The following GLIS3 variants were observed in gnomAD, a reference collection of about 807,000 sequenced individuals.
GLIS3 encodes the protein zinc finger protein GLIS3.
GLIS3 carries 53 observed loss-of-function variants against 78.6 expected under a neutral mutation model. That is an observed-to-expected ratio of 0.67 (90% CI 0.54 to 0.85). GLIS3 has a LOEUF of 0.85. GLIS3 is among the 40% of genes least tolerant of loss of function. GLIS3 has a pLI of 0.00. For synonymous variants in GLIS3, 684 were observed against 509.9 expected, an observed-to-expected ratio of 1.34 and a Z score of -4.60; for missense variants, 1,703 against 1,231.1, an observed-to-expected ratio of 1.38 and a Z score of -5.74.
At chr9:4,357,487 A>C in the GLIS3 span, among the ~76,000 whole-genome samples, 2 of 149,252 alleles carry the variant, frequency 1.3e-5, no homozygotes, top group East Asian at 2.0e-4. Flanking sequence ...TATCCCATAA[A>C]CTCTCCTGGG....
Position 4,120,382 on chromosome 9 carries a change from C to T in GLIS3, c.597-1501G>A, listed in dbSNP as rs577122651. 3.9e-5 allele frequency among the ~76,000 whole-genome samples: 6 copies of T among 152,324 alleles called. No individual in the cohort carries two copies. In the South Asian group the frequency reaches 1.2e-3, roughly 32 times the overall value. On this transcript the variant is annotated intron_variant, in intron 3 of 10. Transcript: ENST00000381971. The stretch of plus-strand genomic sequence containing the variant: ...ACAGCAGGAATTTACATCCAGTTGC[C>T]CTTGACATAGATTTTCCTCTTGGTC...
chr9:4,030,255 C>T (rs1823717223), intron 4 of GLIS3, among the ~76,000 whole-genome samples: 1 of 152,130 alleles, frequency 6.6e-6, no homozygotes, highest in African/African-American at 2.4e-5. Flanking sequence ...CTTTTGAGAA[C>T]TGTCTATTCA....
the GLIS3 span, among the ~76,000 whole-genome samples, chr9:4,356,553 G>A: frequency 3.3e-5 from 5 of 152,198 alleles, no homozygotes; most frequent in African/African-American, 1.2e-4. Flanking sequence ...CAAGTTTCAT[G>A]ATAAAATGCT....
chr9:3,901,381 T>G (rs1372620115), intron 6 of GLIS3: 2 of 152,370 alleles, frequency 1.3e-5, no homozygotes, highest in South Asian at 2.1e-4. Flanking sequence ...TTCCAAACTT[T>G]CCATGCAATG....
At chr9:4,482,513 G>A in the GLIS3 span, among the ~76,000 whole-genome samples, 152 of 152,306 alleles carry the variant, frequency 1.0e-3, no homozygotes, top group Non-Finnish European at 1.7e-3. Context: ...CAGCTGAGAT[G>A]CTGAAGGAGA....
At chr9:4,483,210 A>C in the GLIS3 span, among the ~76,000 whole-genome samples, 1 of 81,804 alleles carries the variant, frequency 1.2e-5, no homozygotes, top group African/African-American at 9.6e-5. Flanking sequence ...TTAGGCAGAG[A>C]AATGCCGTAA....
At position 4,297,963 on chromosome 9, in the gene GLIS3, G is replaced by T. The variant is rs945608014; in HGVS notation, c.-99+1458C>A. 3.3e-5 allele frequency among the ~76,000 whole-genome samples: 5 copies of T among 152,226 alleles called. No individual in the cohort carries two copies. The East Asian group carries it at 9.7e-4, about 29-fold the overall frequency. On this transcript the variant is annotated intron_variant, in intron 1 of 10. Coordinates refer to ENST00000381971, the MANE Select transcript of GLIS3 (RefSeq NM_001042413.2). ...TAGGGGCGGGTCCGGAGGCGGAGGCGACAGCGCCCGGCGGGGTACGCGCGG... is the reference window on the plus strand; with the variant it reads ...TAGGGGCGGGTCCGGAGGCGGAGGCTACAGCGCCCGGCGGGGTACGCGCGG...
intron 2 of GLIS3, among the ~76,000 whole-genome samples, chr9:4,221,327 T>C (rs956467802): frequency 3.9e-5 from 6 of 152,218 alleles, no homozygotes; most frequent in African/African-American, 1.4e-4. Flanking sequence ...AGGTTTGAAA[T>C]TATTTAAAAA....
At chr9:3,905,642 C>T (rs532299321) in intron 6 of GLIS3, among the ~76,000 whole-genome samples, 3 of 152,254 alleles carry the variant, frequency 2.0e-5, no homozygotes, top group Non-Finnish European at 2.9e-5. Flanking sequence ...CCCAGGGCCC[C>T]GTCTCCTTTC....
intron 2 of GLIS3, among the ~76,000 whole-genome samples, chr9:4,263,225 C>A (rs1274566097): frequency 6.6e-6 from 1 of 152,190 alleles, no homozygotes; most frequent in East Asian, 1.9e-4. Flanking sequence ...GGCTCACAGA[C>A]ATATTCTGCA....
intron 9 of GLIS3, among the ~76,000 whole-genome samples, chr9:3,835,072 A>G (rs1163108875): frequency 6.6e-6 from 1 of 152,232 alleles, no homozygotes; most frequent in Non-Finnish European, 1.5e-5. Context: ...TAATACCATC[A>G]GCCTACACTT....
chr9:4,487,754 T>C, the GLIS3 span, among the ~76,000 whole-genome samples: 1,958 of 151,926 alleles, frequency 0.013, 46 homozygotes, highest in African/African-American at 0.045. Flanking sequence ...GTGGTACAAT[T>C]ATAGCTCCCT....
At chr9:4,303,236 C>T (rs1817138609), upstream of GLIS3, among the ~76,000 whole-genome samples, 2 of 148,050 alleles carry the variant, frequency 1.4e-5, no homozygotes, top group Admixed American at 1.4e-4. Context: ...GCTAATAGCA[C>T]CAGTGATAGT....
intron 4 of GLIS3, among the ~76,000 whole-genome samples, chr9:3,973,471 A>T (rs1379023665): frequency 6.6e-6 from 1 of 152,094 alleles, no homozygotes; most frequent in Non-Finnish European, 1.5e-5. Flanking sequence ...CCAGCTCCCA[A>T]ATTAAACAAA....
chr9:3,872,473 G>A (rs1421625594), intron 8 of GLIS3, among the ~76,000 whole-genome samples: 1 of 152,204 alleles, frequency 6.6e-6, no homozygotes, highest in Non-Finnish European at 1.5e-5. Flanking sequence ...ATGTGGTTGG[G>A]GAAGCCTTAC....
chr9:4,386,003 T>C, the GLIS3 span, among the ~76,000 whole-genome samples: 1 of 152,216 alleles, frequency 6.6e-6, no homozygotes, highest in Non-Finnish European at 1.5e-5. Context: ...TTCCCATCTA[T>C]TTATGGCATC....
At chr9:4,469,776 A>C in the GLIS3 span, among the ~76,000 whole-genome samples, 1 of 152,196 alleles carries the variant, frequency 6.6e-6, no homozygotes, top group Non-Finnish European at 1.5e-5. Flanking sequence ...AGCAAGAAAT[A>C]ACTAAGATCA....
At chr9:4,059,847 A>T (rs907123331) in intron 4 of GLIS3, among the ~76,000 whole-genome samples, 18 of 116,704 alleles carry the variant, frequency 1.5e-4, no homozygotes, top group African/African-American at 4.0e-4. Flanking sequence ...AGAGAGAGAG[A>T]GAGAGAGAGA....
the GLIS3 span, among the ~76,000 whole-genome samples, chr9:4,419,809 A>G: frequency 6.6e-6 from 1 of 151,992 alleles, no homozygotes; most frequent in South Asian, 2.1e-4. Context: ...AACAAAAACA[A>G]AAAACAACCA....
Sources: gnomAD v4.1 joint callset for allele counts (sites outside exome capture counted in the v4.1 genomes callset) on GRCh38, gnomAD v4.1.1 for gene constraint, MANE v1.5 for transcripts, NCBI Gene and HGNC (gene_info 2026-07-23, HGNC 2026-07-21) for gene names.